The following MBNL2 variants were observed in gnomAD, a reference collection of about 807,000 sequenced individuals.
The protein encoded by MBNL2 is muscleblind-like protein 2.
In MBNL2, 17 loss-of-function variants were observed where a neutral mutation model predicts 41.9. That is an observed-to-expected ratio of 0.41 (90% CI 0.28 to 0.61). The LOEUF (loss-of-function observed/expected upper bound fraction) is 0.61. Among genes scored for constraint, MBNL2 ranks in the 20% least tolerant of loss-of-function variants. The probability of loss-of-function intolerance (pLI) is 0.35; values close to 1 mark genes in which losing one functional copy is unlikely to be tolerated. For synonymous variants in MBNL2, 195 were observed against 182.9 expected, an observed-to-expected ratio of 1.07 and a Z score of -0.53; for missense variants, 336 against 505.6, an observed-to-expected ratio of 0.66 and a Z score of 3.22.
At chr13:97,229,378 A>G (rs1209452963) in intron 1 of MBNL2, among the ~76,000 whole-genome samples, 2 of 151,954 alleles carry the variant, frequency 1.3e-5, no homozygotes, top group African/African-American at 4.8e-5. Context: ...GGCCAAGGGC[A>G]AGATTATTCA....
At chr13:97,277,686 T>C (rs185275029) in intron 2 of MBNL2, among the ~76,000 whole-genome samples, 103 of 152,306 alleles carry the variant, frequency 6.8e-4, no homozygotes, top group Non-Finnish European at 4.1e-4. Flanking sequence ...CAAAAGTCTT[T>C]TAAGGGTAAA....
chr13:97,371,088 G>C (rs1169016506), intron 8 of MBNL2, among the ~76,000 whole-genome samples: 1 of 152,152 alleles, frequency 6.6e-6, no homozygotes, highest in African/African-American at 2.4e-5. Context: ...AATAAAATGA[G>C]AGTGCAGAGT....
intron 5 of MBNL2, among the ~76,000 whole-genome samples, chr13:97,348,847 G>T (rs1483472621): frequency 6.6e-6 from 1 of 152,198 alleles, no homozygotes; most frequent in African/African-American, 2.4e-5. Flanking sequence ...ACACAAACAA[G>T]TTCACAATTA....
the MBNL2 span, among the ~76,000 whole-genome samples, chr13:97,163,524 C>T: frequency 1.4e-3 from 207 of 152,272 alleles, no homozygotes; most frequent in African/African-American, 4.6e-3. Flanking sequence ...GCCCCTTCTC[C>T]GCACCTTGTA....
chr13:97,356,519 C>G (rs1171571981), intron 5 of MBNL2, among the ~76,000 whole-genome samples: 1 of 152,070 alleles, frequency 6.6e-6, no homozygotes. Flanking sequence ...ATATTTTACT[C>G]TCTTATATGC....
At chr13:97,165,863 C>T in the MBNL2 span, among the ~76,000 whole-genome samples, 3 of 152,240 alleles carry the variant, frequency 2.0e-5, no homozygotes, top group Admixed American at 1.3e-4. Context: ...CTGGCCATGA[C>T]ATGCAGAATC....
chr13:97,243,116 G>T (rs1227321778), intron 1 of MBNL2, among the ~76,000 whole-genome samples: 2 of 152,220 alleles, frequency 1.3e-5, no homozygotes, highest in Non-Finnish European at 1.5e-5. Context: ...CTGCAGCGGT[G>T]GCCAGTGGCA....
intron 1 of MBNL2, among the ~76,000 whole-genome samples, chr13:97,247,904 T>C (rs1437976691): frequency 6.6e-6 from 1 of 152,218 alleles, no homozygotes; most frequent in Non-Finnish European, 1.5e-5. Context: ...AATTACCTTT[T>C]CAGTCTCAAA....
intron 3 of MBNL2, among the ~76,000 whole-genome samples, chr13:97,336,375 GT>G (rs1167201431): frequency 6.6e-6 from 1 of 152,114 alleles, no homozygotes; most frequent in Non-Finnish European, 1.5e-5. Context: ...GCTCTCGGAG[GT>G]ACCTGGAACC....
intron 1 of MBNL2, among the ~76,000 whole-genome samples, chr13:97,257,404 G>A (rs1420804779): frequency 6.6e-6 from 1 of 152,164 alleles, no homozygotes; most frequent in East Asian, 1.9e-4. Flanking sequence ...TCAGCAGTAT[G>A]CCTCTTAAAA....
intron 1 of MBNL2, among the ~76,000 whole-genome samples, chr13:97,223,959 A>G (rs2041202399): frequency 6.6e-6 from 1 of 152,154 alleles, no homozygotes; most frequent in African/African-American, 2.4e-5. Context: ...GGAACATTCT[A>G]ACTCCCCACT....
intron 8 of MBNL2, among the ~76,000 whole-genome samples, chr13:97,379,021 G>A (rs1004616248): frequency 7.9e-5 from 12 of 152,186 alleles, no homozygotes; most frequent in Admixed American, 7.9e-4. Flanking sequence ...CTGTTCTTTT[G>A]TGAACCCACC....
intron 1 of MBNL2, among the ~76,000 whole-genome samples, chr13:97,263,916 C>G (rs1359135489): frequency 2.0e-5 from 3 of 151,948 alleles, no homozygotes; most frequent in Non-Finnish European, 2.9e-5. Flanking sequence ...CTGTGCCCAG[C>G]CTTACTTTTA....
chr13:97,366,588 C>T lies in MBNL2; in HGVS notation c.1048+1417C>T. ...TTTTAAAGCTTTCTTTCACAAATCC[C>T]AAACTCTAAATGAGTGCTGATATTT... On this transcript the variant is annotated intron_variant, in intron 8 of 8. Coordinates refer to ENST00000679496, the MANE Select transcript of MBNL2 (RefSeq NM_001382683.1). The surrounding 1 kb of genome is among the most constrained non-coding windows in gnomAD (Gnocchi z 4.7). 2 of 1,350,636 alleles carry T rather than the reference C, an allele frequency of 1.5e-6. No individual in the cohort carries two copies. The highest frequency in any genetic ancestry group is 1.8e-4 in the Middle Eastern group (1 of 5,512). 83.7% of individuals were successfully genotyped at this position (1,350,636 alleles called of 1,614,324 possible).
At chr13:97,145,731 G>A in the MBNL2 span, among the ~76,000 whole-genome samples, 1 of 152,192 alleles carries the variant, frequency 6.6e-6, no homozygotes, top group Non-Finnish European at 1.5e-5. Flanking sequence ...TGAAATAATA[G>A]TTTGTTGCAG....
chr13:97,253,192 T>C (rs1594098129), intron 1 of MBNL2, among the ~76,000 whole-genome samples: 1 of 152,210 alleles, frequency 6.6e-6, no homozygotes, highest in African/African-American at 2.4e-5. Flanking sequence ...TACAAATTGA[T>C]ATATACATTT....
the MBNL2 span, among the ~76,000 whole-genome samples, chr13:97,162,633 A>G: frequency 1.3e-5 from 2 of 152,260 alleles, no homozygotes; most frequent in South Asian, 2.1e-4. Flanking sequence ...CTGTTTCTTC[A>G]CTGTTCTCAA....
intron 7 of MBNL2, among the ~76,000 whole-genome samples, chr13:97,364,468 T>C (rs1594270847): frequency 6.6e-6 from 1 of 152,238 alleles, no homozygotes; most frequent in South Asian, 2.1e-4. Context: ...GGTCATTCCC[T>C]GTAAGAACCT....
intron 1 of MBNL2, among the ~76,000 whole-genome samples, chr13:97,237,394 T>C (rs992482901): frequency 1.3e-5 from 2 of 152,228 alleles, no homozygotes; most frequent in Non-Finnish European, 2.9e-5. Context: ...AAGAAATGTA[T>C]GAAAGATAGT....
Sources: allele counts gnomAD v4.1 joint callset (sites outside exome capture counted in the v4.1 genomes callset), GRCh38; gene constraint gnomAD v4.1.1; non-coding constraint Gnocchi (gnomAD v3.1); transcripts MANE v1.5; gene names NCBI Gene and HGNC (gene_info 2026-07-23, HGNC 2026-07-21).